Variants in HERC1 observed in about 807,000 individuals in gnomAD.
The protein encoded by HERC1 is probable E3 ubiquitin-protein ligase HERC1.
Under a neutral mutation model 554.3 loss-of-function variants are expected in HERC1, and 160 were observed. That is an observed-to-expected ratio of 0.29 (90% CI 0.25 to 0.33). The LOEUF (loss-of-function observed/expected upper bound fraction) is 0.33, where lower values mean the gene tolerates loss of function less well. HERC1 is among the 10% of genes least tolerant of loss of function. HERC1 has a pLI of 1.00. For missense variants in HERC1, 4,919 were observed against 5,918.5 expected (o/e 0.83, Z 5.54); for synonymous variants, 2,175 against 2,131.7 (o/e 1.02, Z -0.56).
rs2152979730 is a variant in HERC1 at position 63,674,979 on chromosome 15, A to G, written c.7209T>C (p.His2403=). 1 of 1,614,004 alleles carries G rather than the reference A, an allele frequency of 6.2e-7. No individual in the cohort carries two copies. Among genetic ancestry groups the G allele is most frequent in the African/African-American group, 1.3e-5 (1 of 75,046 alleles). ...LLDLTYLTGV[H]EDMGKQSTKR... ...TGGTGCTCTGTTTGCCCATGTCTTC[A>G]TGAACGCCAGTGAGATATGTTAGGT... Residue 2403 remains histidine (H), a synonymous_variant, in exon 38 of 78, where the codon CAT becomes CAC. Coordinates refer to ENST00000443617, the MANE Select transcript of HERC1 (RefSeq NM_003922.4).
At chr15:63,634,705 T>TA (rs1566958254) in intron 66 of HERC1, 28 bp downstream of exon 66, 1 of 1,590,140 alleles carries the variant, frequency 6.3e-7, no homozygotes, top group Non-Finnish European at 8.6e-7. Context: ...AATGATCAGC[T>TA]AGAATATCTT....
intron 3 of HERC1, among the ~76,000 whole-genome samples, chr15:63,761,241 T>C (rs572077208): frequency 1.3e-5 from 2 of 152,210 alleles, no homozygotes; most frequent in East Asian, 3.9e-4. Flanking sequence ...GTATTGAGCA[T>C]TAAATAAGTA....
Position 63,612,229 on chromosome 15 carries a change from G to A in HERC1, c.14400+22C>T. On this transcript the variant is annotated intron_variant, in intron 77 of 77. Coordinates refer to ENST00000443617, the MANE Select transcript of HERC1 (RefSeq NM_003922.4). The surrounding 1 kb of genome is among the most constrained non-coding windows in gnomAD (Gnocchi z 5.0). ...AAGCAATAAGGCAGACATTACAAAGGAAAAAAGAATAGCTTACTTACCCTA... is the reference window on the plus strand; with the variant it reads ...AAGCAATAAGGCAGACATTACAAAGAAAAAAAGAATAGCTTACTTACCCTA... The A allele has an allele frequency of 3.8e-6, 6 of 1,569,618 alleles. No individual in the cohort carries two copies. The highest frequency in any genetic ancestry group is 4.3e-6 in the Non-Finnish European group (5 of 1,152,904).
At chr15:63,655,695 T>C (rs989775082) in intron 50 of HERC1, 47 bp downstream of exon 50, 5 of 1,263,830 alleles carry the variant, frequency 4.0e-6, no homozygotes, top group African/African-American at 1.5e-5. Context: ...TATTTAAAAA[T>C]AAGAAGTCGA....
intron 12 of HERC1, among the ~76,000 whole-genome samples, chr15:63,737,417 CTTTTTTCCAGATATATATAT>C (rs2074563188): frequency 1.4e-5 from 1 of 69,888 alleles, no homozygotes; most frequent in Non-Finnish European, 3.1e-5. Flanking sequence ...ATATATATAT[CTTTTTTCCAGATATATATAT>C]ATATATCTTT....
intron 16 of HERC1, 118 bp downstream of exon 16, chr15:63,729,118 G>A (rs981309740): frequency 1.1e-6 from 1 of 921,958 alleles, no homozygotes; most frequent in South Asian, 1.9e-5. Flanking sequence ...ATCTTCAATA[G>A]AAGGAAATTC....
intron 25 of HERC1, 99 bp from the exon 26 acceptor site, chr15:63,699,095 G>T: frequency 9.6e-7 from 1 of 1,036,966 alleles, no homozygotes; most frequent in Non-Finnish European, 1.4e-6. Flanking sequence ...ACCAACTGGT[G>T]AAAAATGGAT....
chr15:63,716,568 T>G, intron 21 of HERC1, 95 bp from the exon 22 acceptor site: 1 of 1,019,904 alleles, frequency 9.8e-7, no homozygotes, highest in Non-Finnish European at 1.4e-6. Context: ...TGGAAAATAT[T>G]GTTGATATCA....
At position 63,640,380 on chromosome 15, in the gene HERC1, A is replaced by C; in HGVS notation, c.11673T>G (p.Ala3891=). The change falls in exon 61 of 78, where the codon GCT becomes GCG. Residue 3891 remains alanine, a synonymous_variant. Coordinates refer to ENST00000443617, the MANE Select transcript of HERC1 (RefSeq NM_003922.4). Reference sequence around the variant, plus strand: ...ACAGCTGATCCAGATGAAGTCCCACAGCAAGGGAAGCCAAGCATTGCATAT... The same window carrying C: ...ACAGCTGATCCAGATGAAGTCCCACCGCAAGGGAAGCCAAGCATTGCATAT... The part of the protein sequence containing the change: ...SPYMQCLASL[A]VGLHLDQLLC... The C allele has an allele frequency of 6.2e-7, 1 of 1,613,936 alleles. No individual in the cohort carries two copies. The highest frequency in any genetic ancestry group is 1.3e-5 in the African/African-American group (1 of 75,052).
At chr15:63,710,106 G>T (rs1003345719) in intron 24 of HERC1, among the ~76,000 whole-genome samples, 2 of 152,184 alleles carry the variant, frequency 1.3e-5, no homozygotes, top group Admixed American at 6.5e-5. Context: ...CCAAAAGCAG[G>T]CAGGTGACAC....
rs1209321475 is a variant in HERC1 at position 63,680,825 on chromosome 15, T to C, written c.6226-49A>G. ...TTAATACTCAAAAAATCTATTTATA[T>C]ACTATTAACTGCATTAACCAATACT... On this transcript the variant is annotated intron_variant, in intron 34 of 77. Coordinates refer to ENST00000443617, the MANE Select transcript of HERC1 (RefSeq NM_003922.4). The surrounding 1 kb of genome is among the most constrained non-coding windows in gnomAD (Gnocchi z 5.8). 3 of 1,276,368 alleles carry C rather than the reference T, an allele frequency of 2.4e-6. No homozygotes were observed. In the East Asian group the frequency reaches 7.1e-5, roughly 30 times the overall value. 79.1% of individuals were successfully genotyped at this position (1,276,368 alleles called of 1,614,324 possible). A position where few individuals can be genotyped will look rare whatever the true frequency, so the allele number is the denominator to read the frequency against.
intron 25 of HERC1, 90 bp from the exon 26 acceptor site, chr15:63,699,086 C>A: frequency 8.7e-7 from 1 of 1,146,958 alleles, no homozygotes; most frequent in Non-Finnish European, 1.2e-6. Flanking sequence ...GCTACCATAA[C>A]CAACTGGTGA....
intron 1 of HERC1, among the ~76,000 whole-genome samples, chr15:63,807,775 T>C (rs888672128): frequency 3.9e-5 from 6 of 152,196 alleles, no homozygotes; most frequent in African/African-American, 1.4e-4. Flanking sequence ...AGTTGAGATA[T>C]GTTCAATCCT....
At chr15:63,802,178 T>TA (rs2077012891) in intron 1 of HERC1, among the ~76,000 whole-genome samples, 1 of 152,232 alleles carries the variant, frequency 6.6e-6, no homozygotes, top group African/African-American at 2.4e-5. Flanking sequence ...CATGTACTTC[T>TA]AGAAGGCTTC....
At chr15:63,646,341 GT>G (rs1444228571) in intron 55 of HERC1, among the ~76,000 whole-genome samples, 3 of 152,086 alleles carry the variant, frequency 2.0e-5, no homozygotes, top group Non-Finnish European at 4.4e-5. Context: ...ATAATTCACT[GT>G]TTTAGCTTTA....
intron 25 of HERC1, among the ~76,000 whole-genome samples, chr15:63,703,073 G>T (rs1481420580): frequency 6.9e-6 from 1 of 143,924 alleles, no homozygotes; most frequent in Non-Finnish European, 1.5e-5. Context: ...TCACGCCACT[G>T]CACTCCAGCC....
In HERC1 at chr15:63,641,586, T is replaced by C. The variant is rs2069066983; in HGVS notation, c.11491A>G (p.Thr3831Ala). The C allele has an allele frequency of 1.1e-5, 17 of 1,599,382 alleles. No individual in the cohort carries two copies. Among genetic ancestry groups the C allele is most frequent in the Non-Finnish European group, 1.5e-5 (17 of 1,172,028 alleles). Residue 3831 changes from threonine (T) to alanine (A), a missense_variant, in exon 60 of 78, where the codon ACC becomes GCC. Thr to Ala is a moderately conservative substitution (Grantham distance 58). Coordinates refer to ENST00000443617, the MANE Select transcript of HERC1 (RefSeq NM_003922.4). ...EWAAANHVLATCRTALKQQGV... is the reference protein window; with the variant it reads ...EWAAANHVLAACRTALKQQGV... ...TGCTGTTTCAATGCTGTCCTACAGG[T>C]TGCCAAAACATGATTGGCAGCTGCC...
chr15:63,774,373 CCTG>C (rs1464680740), intron 2 of HERC1, among the ~76,000 whole-genome samples: 1 of 151,800 alleles, frequency 6.6e-6, no homozygotes, highest in African/African-American at 2.4e-5. Context: ...TTTCTAAAGA[CCTG>C]CTGATCACTA....
intron 53 of HERC1, among the ~76,000 whole-genome samples, chr15:63,650,725 C>A (rs1286836911): frequency 2.6e-5 from 4 of 152,224 alleles, no homozygotes; most frequent in African/African-American, 9.6e-5. Flanking sequence ...AAGAAACTTA[C>A]TTGCAGTTAA....
Sources: allele counts gnomAD v4.1 joint callset (sites outside exome capture counted in the v4.1 genomes callset), GRCh38; gene constraint gnomAD v4.1.1; non-coding constraint Gnocchi (gnomAD v3.1); transcripts MANE v1.5; gene names NCBI Gene and HGNC (gene_info 2026-07-23, HGNC 2026-07-21).